Variants in HDLBP observed in about 807,000 individuals in gnomAD.
HDLBP encodes vigilin.
Under a neutral mutation model 137.3 loss-of-function variants are expected in HDLBP, and 30 were observed. The observed-to-expected ratio is 0.22, with a 90% CI of 0.16 to 0.30. The LOEUF is 0.30. Among genes scored for constraint, HDLBP ranks in the 10% least tolerant of loss-of-function variants. HDLBP has a pLI of 1.00. For synonymous variants in HDLBP, 606 were observed against 596.0 expected, an observed-to-expected ratio of 1.02 and a Z score of -0.24; for missense variants, 1,119 against 1,667.3, an observed-to-expected ratio of 0.67 and a Z score of 5.73.
At position 241,264,436 on chromosome 2, in the gene HDLBP, T is replaced by C. The variant is rs2073491747; in HGVS notation, c.234+12A>G. On this transcript the variant is annotated intron_variant, in intron 4 of 27. Coordinates refer to ENST00000310931, the MANE Select transcript of HDLBP (RefSeq NM_005336.6). ...ATGATAAAATTTTTAAAAGAAAGAA[T>C]GGTGTTTCTACCTGAGTGATGACAG... 1.3e-6 allele frequency: 2 copies of C among 1,564,934 alleles called. No homozygotes were observed. The highest frequency in any genetic ancestry group is 2.7e-5 in the African/African-American group (2 of 72,880).
At position 241,229,799 on chromosome 2, in the gene HDLBP, C is replaced by T. The variant is rs1559468324; in HGVS notation, c.3720+34G>A. ...AAGCCCGCCTGCCCGCCCACCCTCC[C>T]TGGGACCCAGGAGGGCAGAAGCCCG... On this transcript the variant is annotated intron_variant, in intron 27 of 27. Transcript: ENST00000310931. 2.6e-6 allele frequency: 4 copies of T among 1,562,944 alleles called. No individual in the cohort carries two copies. In the Admixed American group the frequency reaches 7.5e-5, roughly 29 times the overall value.
chr2:241,301,808 C>G (rs964887259), intron 1 of HDLBP, among the ~76,000 whole-genome samples: 29 of 151,432 alleles, frequency 1.9e-4, no homozygotes, highest in African/African-American at 7.0e-4. Flanking sequence ...AGATTTAAGG[C>G]AAAAAGTTTC....
intron 9 of HDLBP, among the ~76,000 whole-genome samples, chr2:241,253,873 G>C (rs1259248550): frequency 6.6e-6 from 1 of 152,200 alleles, no homozygotes; most frequent in Non-Finnish European, 1.5e-5. Flanking sequence ...AACTCGTATA[G>C]CTGTACCAAG....
At chr2:241,235,374 G>C in intron 22 of HDLBP, 116 bp downstream of exon 22, 1 of 1,507,288 alleles carries the variant, frequency 6.6e-7, no homozygotes, top group East Asian at 2.3e-5. Context: ...GGAAGTCAGT[G>C]CCCAGTCCGA....
intron 1 of HDLBP, among the ~76,000 whole-genome samples, chr2:241,277,279 C>G (rs1050413706): frequency 2.6e-5 from 4 of 152,018 alleles, no homozygotes; most frequent in East Asian, 1.9e-4. Flanking sequence ...TCATCCACTA[C>G]TGAAACTAGA....
chr2:241,295,828 G>A (rs183260169), intron 1 of HDLBP, among the ~76,000 whole-genome samples: 3 of 152,298 alleles, frequency 2.0e-5, no homozygotes, highest in African/African-American at 7.2e-5. Flanking sequence ...GCAGCTGCAA[G>A]CCAAGGACTG....
In HDLBP at chr2:241,239,795, A is replaced by G; in HGVS notation, c.2417T>C (p.Leu806Pro). The G allele has an allele frequency of 6.2e-7, 1 of 1,613,956 alleles. No homozygotes were observed. Among genetic ancestry groups the G allele is most frequent in the Non-Finnish European group, 8.5e-7 (1 of 1,179,998 alleles). The change falls in exon 19 of 28, where the codon CTG becomes CCG. Residue 806 changes from leucine (L) to proline (P), a missense_variant. By Grantham distance (98) the Leu-to-Pro change is moderately conservative. Transcript: ENST00000310931. This position sits in a 1 kb window ranked among gnomAD's most constrained non-coding sequence, Gnocchi z 4.6. ...GTGGCGGTGGTGCTTGGGGTCCACC[A>G]GCATGGAGTCTTCCACCACATTATC... ...NLDNVVEDSMLVDPKHHRHFV... is the reference protein window; with the variant it reads ...NLDNVVEDSMPVDPKHHRHFV...
rs892558188 is a variant in HDLBP, at chr2:241,272,483, G to A, written c.-102-3942C>T. On this transcript the variant is annotated intron_variant, in intron 1 of 27. Coordinates refer to ENST00000310931, the MANE Select transcript of HDLBP (RefSeq NM_005336.6). This position sits in a 1 kb window ranked among gnomAD's most constrained non-coding sequence, Gnocchi z 5.6. The stretch of plus-strand genomic sequence containing the variant: ...CCAAGAGCGGCCCAGCGGCGCCACC[G>A]GACTTGAGAAAGTTTGTGCGCGCCC... The A allele has an allele frequency of 4.1e-6, 4 of 984,660 alleles. No homozygotes were observed. The African/African-American group carries it at 7.0e-5, about 17-fold the overall frequency. The allele number at this position is 984,660 out of a possible 1,614,324, so 61.0% of individuals were successfully genotyped here.
Position 241,236,237 on chromosome 2 carries a change from A to G in HDLBP, c.2904+378T>C, listed in dbSNP as rs1011476721. Reference sequence around the variant, plus strand: ...AGTACGCAGGTGGCACTCGACACTGACTGCACACAAGGTGAGCTAGGCCTG... The same window carrying G: ...AGTACGCAGGTGGCACTCGACACTGGCTGCACACAAGGTGAGCTAGGCCTG... On this transcript the variant is annotated intron_variant, in intron 21 of 27. Coordinates refer to ENST00000310931, the MANE Select transcript of HDLBP (RefSeq NM_005336.6). 39 of 272,066 alleles carry G rather than the reference A, an allele frequency of 1.4e-4. 2 individuals carry two copies. The South Asian group carries it at 2.0e-3, about 14-fold the overall frequency. 16.9% of individuals were successfully genotyped at this position (272,066 alleles called of 1,614,324 possible).
chr2:241,294,025 C>T lies in HDLBP; in HGVS notation c.-103+21545G>A, dbSNP rs115605387. ...TTGAAGAGCAATTAACTCTCTCTAG[C>T]CTGACAAAAGAAAAGAACACACACC... is the stretch of plus-strand genomic sequence containing the variant. On this transcript the variant is annotated intron_variant, in intron 1 of 27. Coordinates refer to ENST00000310931, the MANE Select transcript of HDLBP (RefSeq NM_005336.6). Among the ~76,000 whole-genome samples the T allele has an allele frequency of 3.3e-3, 505 of 152,168 alleles. 1 individual carries two copies. Among genetic ancestry groups the T allele is most frequent in the African/African-American group, 1.0e-2 (414 of 41,514 alleles).
chr2:241,235,402 C>A, intron 22 of HDLBP, 88 bp downstream of exon 22: 2 of 1,469,644 alleles, frequency 1.4e-6, no homozygotes, highest in South Asian at 1.2e-5. Flanking sequence ...GAGGCAGAGT[C>A]AACAGGAAGT....
chr2:241,306,475 T>C (rs1485136764), intron 1 of HDLBP, among the ~76,000 whole-genome samples: 1 of 151,326 alleles, frequency 6.6e-6, no homozygotes, highest in Non-Finnish European at 1.5e-5. Context: ...GTCAGGCCAG[T>C]CTCGAACTCC....
chr2:241,299,481 C>A (rs2075311185), intron 1 of HDLBP, among the ~76,000 whole-genome samples: 1 of 121,182 alleles, frequency 8.3e-6, no homozygotes, highest in East Asian at 2.7e-4. Context: ...GATGGCACCA[C>A]TGAACTCCAG....
intron 1 of HDLBP, among the ~76,000 whole-genome samples, chr2:241,286,588 T>G (rs2074818591): frequency 6.6e-6 from 1 of 152,168 alleles, no homozygotes; most frequent in Admixed American, 6.5e-5. Flanking sequence ...TGATGTCTCA[T>G]GTCTCCCTAC....
intron 7 of HDLBP, 119 bp from the exon 8 acceptor site, chr2:241,255,699 A>T: frequency 1.4e-6 from 1 of 735,670 alleles, no homozygotes; most frequent in Non-Finnish European, 2.4e-6. Flanking sequence ...GCTGATCCCA[A>T]GAAGTGAACA....
intron 5 of HDLBP, among the ~76,000 whole-genome samples, chr2:241,258,346 CAAAAAAAAAAAAA>C (rs34675892): frequency 7.2e-5 from 4 of 55,468 alleles, no homozygotes; most frequent in South Asian, 9.5e-4. Flanking sequence ...GACTCCGTCT[CAAAAAAAAAAAAA>C]AAAAAAAAAA....
chr2:241,242,564 G>A lies in HDLBP; in HGVS notation c.2065C>T (p.His689Tyr), dbSNP rs2071345817. The change falls in exon 17 of 28, where the codon CAC becomes TAC. Residue 689 changes from histidine (H) to tyrosine (Y), a missense_variant. This residue lies in a region of HDLBP where 618 missense variants were observed against 816.7 expected (regional missense o/e 0.76). Coordinates refer to ENST00000310931, the MANE Select transcript of HDLBP (RefSeq NM_005336.6). ...CTTCCTGAACCTTCCACGGGAAAGT[G>A]AATGTGGACCCCGCCGCACTCCTCC... ...IMEECGGVHIHFPVEGSGSDT... is the reference protein window; with the variant it reads ...IMEECGGVHIYFPVEGSGSDT... 1.2e-6 allele frequency: 2 copies of A among 1,614,224 alleles called. No homozygotes were observed. The highest frequency in any genetic ancestry group is 1.7e-6 in the Non-Finnish European group (2 of 1,180,036).
Position 241,230,071 on chromosome 2 carries a change from T to C in HDLBP, c.3591+82A>G, listed in dbSNP as rs570101916. ...GCCTCTGGAAACACAAGTGCCACCT[T>C]GTCCCCTGAAGCTCCTGGCTGGGCC... On this transcript the variant is annotated intron_variant, in intron 26 of 27. Coordinates refer to ENST00000310931, the MANE Select transcript of HDLBP (RefSeq NM_005336.6). This position sits in a 1 kb window ranked among gnomAD's most constrained non-coding sequence, Gnocchi z 5.0. The C allele has an allele frequency of 1.7e-4, 266 of 1,588,368 alleles. 1 individual carries two copies. The African/African-American group carries it at 2.9e-3, about 17-fold the overall frequency.
At chr2:241,297,909 G>A (rs2075242207) in intron 1 of HDLBP, among the ~76,000 whole-genome samples, 1 of 151,704 alleles carries the variant, frequency 6.6e-6, no homozygotes, top group South Asian at 2.1e-4. Context: ...TTAGCCGGGC[G>A]TGGTGGCACA....
Sources: gnomAD v4.1 joint callset for allele counts (sites outside exome capture counted in the v4.1 genomes callset) on GRCh38, gnomAD v4.1.1 for gene constraint, gnomAD v4.1.1 regional missense constraint, Gnocchi (gnomAD v3.1) non-coding constraint, MANE v1.5 for transcripts, NCBI Gene and HGNC (gene_info 2026-07-23, HGNC 2026-07-21) for gene names.